The following CRACD variants were observed in gnomAD, a reference collection of about 807,000 sequenced individuals.
The protein encoded by CRACD is capping protein-inhibiting regulator of actin dynamics.
In CRACD, 56 loss-of-function variants were observed where a neutral mutation model predicts 106.8. That is an observed-to-expected ratio of 0.52 (90% CI 0.42 to 0.66). The LOEUF is 0.66. Among genes scored for constraint, CRACD ranks in the 30% least tolerant of loss-of-function variants. The probability of loss-of-function intolerance (pLI) is 0.00; values close to 1 mark genes in which losing one functional copy is unlikely to be tolerated. For synonymous variants in CRACD, 754 were observed against 670.8 expected, an observed-to-expected ratio of 1.12 and a Z score of -1.92; for missense variants, 1,730 against 1,623.2, an observed-to-expected ratio of 1.07 and a Z score of -1.13.
At chr4:56,104,966 C>CA (rs34655977) in intron 1 of CRACD, among the ~76,000 whole-genome samples, 3,070 of 68,348 alleles carry the variant, frequency 0.045, 97 homozygotes, top group African/African-American at 0.12. Flanking sequence ...GACTCCGTCT[C>CA]AAAAAAAAAA....
chr4:56,142,019 A>G (rs947545488), intron 1 of CRACD, among the ~76,000 whole-genome samples: 2 of 152,278 alleles, frequency 1.3e-5, no homozygotes, highest in South Asian at 2.1e-4. Flanking sequence ...ACCTTCTCCA[A>G]ATTGTGAAAG....
At chr4:56,082,753 A>C (rs1017485347) in intron 1 of CRACD, among the ~76,000 whole-genome samples, 8 of 152,198 alleles carry the variant, frequency 5.3e-5, no homozygotes, top group Admixed American at 5.2e-4. Context: ...CTTATGGAGA[A>C]AGTGTTTAAG....
At chr4:56,307,027 G>A (rs546706165) in intron 4 of CRACD, among the ~76,000 whole-genome samples, 2 of 152,352 alleles carry the variant, frequency 1.3e-5, no homozygotes, top group East Asian at 1.9e-4. Flanking sequence ...GGTGAGGAAG[G>A]CTGCGGAAGT....
chr4:56,263,534 C>T (rs1234611989), intron 2 of CRACD, among the ~76,000 whole-genome samples: 6 of 152,156 alleles, frequency 3.9e-5, no homozygotes, highest in Non-Finnish European at 8.8e-5. Context: ...CTTCATATTG[C>T]CTTCCCTCAG....
Position 56,316,517 on chromosome 4 carries a change from G to C in CRACD, c.3015G>C (p.Lys1005Asn), listed in dbSNP as rs749495187. The C allele has an allele frequency of 1.9e-6, 3 of 1,613,614 alleles. No homozygotes were observed. The highest frequency in any genetic ancestry group is 2.5e-6 in the Non-Finnish European group (3 of 1,179,786). Residue 1005 changes from lysine to asparagine, a missense_variant, in exon 8 of 11, where the codon AAG (lysine) becomes AAC (asparagine). This residue lies in a region of CRACD where 1,620 missense variants were observed against 1,481.6 expected (regional missense o/e 1.09). Transcript: ENST00000682029. ...RPDPEPSEPS[K>N]EDQESSDRRP... The stretch of plus-strand genomic sequence containing the variant: ...ACCCAGAGCCAAGTGAGCCGTCCAA[G>C]GAGGACCAGGAGAGCAGTGACCGCC...
At position 56,134,843 on chromosome 4, in the gene CRACD, G is replaced by A. The variant is rs957758870; in HGVS notation, c.-335-44441G>A. The stretch of plus-strand genomic sequence containing the variant: ...GTCAGGGAAGAAGGGAGATGAGCAG[G>A]TTCTAGAGGGGTCAAGGAAGGCTGA... On this transcript the variant is annotated intron_variant, in intron 1 of 10. Coordinates refer to ENST00000682029, the MANE Select transcript of CRACD (RefSeq NM_001393381.1). Among the ~76,000 whole-genome samples, 31 of 152,242 alleles carry A rather than the reference G, an allele frequency of 2.0e-4. 1 individual carries two copies. Among genetic ancestry groups the A allele is most frequent in the South Asian group, 4.2e-4 (2 of 4,818 alleles).
At chr4:56,067,678 C>A (rs1560440963) in intron 1 of CRACD, among the ~76,000 whole-genome samples, 1 of 152,142 alleles carries the variant, frequency 6.6e-6, no homozygotes, top group Non-Finnish European at 1.5e-5. Flanking sequence ...CGGGTTCAAG[C>A]GATTCTCCTG....
rs185457211 is a variant in CRACD at position 56,063,604 on chromosome 4, A to G, written c.-336+14305A>G. ...ATTTTCAGTCTCTGTGAATTTGCCTATTGTATAACTGGGATCTCATGTAAG... is the reference window on the plus strand; with the variant it reads ...ATTTTCAGTCTCTGTGAATTTGCCTGTTGTATAACTGGGATCTCATGTAAG... On this transcript the variant is annotated intron_variant, in intron 1 of 10. Transcript: ENST00000682029. 1.2e-3 allele frequency among the ~76,000 whole-genome samples: 185 copies of G among 152,030 alleles called. 2 individuals are homozygous for G. Among genetic ancestry groups the G allele is most frequent in the African/African-American group, 3.8e-3 (158 of 41,472 alleles).
At chr4:56,184,949 GTTTA>G (rs1205843473) in intron 2 of CRACD, among the ~76,000 whole-genome samples, 1 of 152,018 alleles carries the variant, frequency 6.6e-6, no homozygotes, top group African/African-American at 2.4e-5. Flanking sequence ...GTGGCATTTA[GTTTA>G]TTTATTTTAT....
intron 1 of CRACD, among the ~76,000 whole-genome samples, chr4:56,161,053 T>C (rs1237415179): frequency 6.6e-6 from 1 of 152,196 alleles, no homozygotes; most frequent in African/African-American, 2.4e-5. Flanking sequence ...AAATAAGATT[T>C]GTAGTTTTAA....
chr4:56,116,054 T>C (rs944618225), intron 1 of CRACD, among the ~76,000 whole-genome samples: 10 of 152,222 alleles, frequency 6.6e-5, no homozygotes, highest in African/African-American at 2.4e-4. Context: ...AATAATTGCT[T>C]TAACTAACAA....
At chr4:56,178,885 G>T (rs1736695484) in intron 1 of CRACD, among the ~76,000 whole-genome samples, 3 of 152,168 alleles carry the variant, frequency 2.0e-5, no homozygotes, top group Admixed American at 1.3e-4. Context: ...AGAGTAAAAA[G>T]GTGCCTTCAC....
chr4:56,316,756 T>A, intron 8 of CRACD, 67 bp downstream of exon 8: 1 of 1,500,608 alleles, frequency 6.7e-7, no homozygotes, highest in Admixed American at 2.1e-5. Flanking sequence ...CAAGAAGAGA[T>A]CCACACGCAG....
chr4:56,061,226 A>G (rs1732258997), intron 1 of CRACD, among the ~76,000 whole-genome samples: 1 of 152,170 alleles, frequency 6.6e-6, no homozygotes, highest in Non-Finnish European at 1.5e-5. Context: ...GCTGGAGTGC[A>G]GTGGCGCAAT....
intron 4 of CRACD, among the ~76,000 whole-genome samples, chr4:56,298,993 G>A (rs762307501): frequency 2.6e-5 from 4 of 152,122 alleles, no homozygotes; most frequent in Non-Finnish European, 4.4e-5. Context: ...GTTCCTAACC[G>A]TTAAGCATTG....
At chr4:56,220,713 C>T (rs1738986208) in intron 2 of CRACD, among the ~76,000 whole-genome samples, 1 of 151,854 alleles carries the variant, frequency 6.6e-6, no homozygotes, top group Admixed American at 6.6e-5. Context: ...CATTTATTCA[C>T]TACTGACTAG....
chr4:56,079,486 T>C (rs371421025), intron 1 of CRACD, among the ~76,000 whole-genome samples: 4 of 151,736 alleles, frequency 2.6e-5, no homozygotes, highest in African/African-American at 9.7e-5. Context: ...TGTTCTGTCA[T>C]GCAGGCTGAA....
intron 2 of CRACD, among the ~76,000 whole-genome samples, chr4:56,235,960 G>A (rs909520969): frequency 6.6e-6 from 1 of 152,086 alleles, no homozygotes; most frequent in African/African-American, 2.4e-5. Flanking sequence ...CATGAATCTG[G>A]GCCTCCACCA....
At chr4:56,052,090 G>A (rs1731898223) in intron 1 of CRACD, among the ~76,000 whole-genome samples, 1 of 151,856 alleles carries the variant, frequency 6.6e-6, no homozygotes, top group Non-Finnish European at 1.5e-5. Flanking sequence ...TTTTAAAGAG[G>A]TGAGGTCTCA....
Sources: allele counts gnomAD v4.1 joint callset (sites outside exome capture counted in the v4.1 genomes callset), GRCh38; gene constraint gnomAD v4.1.1; regional missense constraint gnomAD v4.1.1; transcripts MANE v1.5; gene names NCBI Gene and HGNC (gene_info 2026-07-23, HGNC 2026-07-21).